The following FGD5 variants were observed in gnomAD, a reference collection of about 807,000 sequenced individuals.
The protein encoded by FGD5 is FYVE, RhoGEF and PH domain containing 5.
FGD5 carries 28 observed loss-of-function variants against 133.4 expected under a neutral mutation model. The observed-to-expected ratio is 0.21, with a 90% CI of 0.16 to 0.29. FGD5 has a LOEUF of 0.29. Ranked by LOEUF, FGD5 falls within the 10% of genes least tolerant of loss-of-function variation. The probability of loss-of-function intolerance (pLI) is 1.00; values close to 1 mark genes in which losing one functional copy is unlikely to be tolerated. For missense variants in FGD5, 1,858 were observed against 1,895.2 expected, an observed-to-expected ratio of 0.98 and a Z score of 0.36; for synonymous variants, 810 against 776.5, an observed-to-expected ratio of 1.04 and a Z score of -0.72.
chr3:14,921,082 C>T (rs924252938), intron 13 of FGD5, among the ~76,000 whole-genome samples: 1 of 152,246 alleles, frequency 6.6e-6, no homozygotes, highest in Non-Finnish European at 1.5e-5. Context: ...TGGGGCTGCC[C>T]ATCTCCCAGG....
At chr3:14,892,026 C>T (rs867803826) in intron 4 of FGD5, among the ~76,000 whole-genome samples, 4 of 151,690 alleles carry the variant, frequency 2.6e-5, no homozygotes, top group African/African-American at 4.8e-5. Flanking sequence ...TGTCCCATCC[C>T]ACCTCCCTGT....
At chr3:14,837,974 C>T (rs1441685567) in intron 1 of FGD5, among the ~76,000 whole-genome samples, 2 of 152,212 alleles carry the variant, frequency 1.3e-5, no homozygotes, top group Non-Finnish European at 2.9e-5. Flanking sequence ...TCTCCCAGCT[C>T]TGTGGGTCAG....
In FGD5 at chr3:14,923,117, C is replaced by T. The variant is rs368080929; in HGVS notation, c.3879C>T (p.Cys1293=). 2.2e-5 allele frequency: 35 copies of T among 1,613,712 alleles called. No individual in the cohort carries two copies. In the African/African-American group the frequency reaches 2.4e-4, roughly 11 times the overall value. The change falls in exon 16 of 20, where the codon TGC becomes TGT. Residue 1293 remains cysteine, a synonymous_variant. Transcript: ENST00000285046. ...TGAAGGACAGGATGGCCAAGGTCTG[C>T]GACGGCTGCTTCGGGGAGCTGAAGA... ...KYLKDRMAKV[C]DGCFGELKKR... is the part of the protein sequence containing the mutation.
intron 11 of FGD5, among the ~76,000 whole-genome samples, chr3:14,913,136 C>A (rs1437882716): frequency 6.6e-6 from 1 of 152,192 alleles, no homozygotes; most frequent in Non-Finnish European, 1.5e-5. Context: ...GGTACACTTA[C>A]TACTTCTGTG....
chr3:14,847,756 GTT>G (rs1264065216), intron 1 of FGD5, among the ~76,000 whole-genome samples: 14 of 152,222 alleles, frequency 9.2e-5, no homozygotes, highest in Admixed American at 7.8e-4. Flanking sequence ...CCTCCCGGGT[GTT>G]CTCACCTTCG....
chr3:14,829,782 G>A (rs542421530), intron 1 of FGD5, among the ~76,000 whole-genome samples: 3 of 152,120 alleles, frequency 2.0e-5, no homozygotes, highest in South Asian at 2.1e-4. Flanking sequence ...GGAATCTAGC[G>A]CAAAATCTAG....
At chr3:14,863,629 T>C (rs1406368498) in intron 1 of FGD5, among the ~76,000 whole-genome samples, 1 of 152,240 alleles carries the variant, frequency 6.6e-6, no homozygotes, top group Non-Finnish European at 1.5e-5. Context: ...GCTATGCAGC[T>C]GAGTGGGAAC....
chr3:14,844,214 AAAAATATATATATATATATATATAT>A (rs1302863024), intron 1 of FGD5, among the ~76,000 whole-genome samples: 6 of 35,562 alleles, frequency 1.7e-4, no homozygotes, highest in Admixed American at 8.0e-4. Flanking sequence ...TAAAAAAAAA[AAAAATATATATATATATATATATAT>A]ATATATATAT....
intron 16 of FGD5, among the ~76,000 whole-genome samples, chr3:14,923,535 G>A: frequency 6.6e-6 from 1 of 152,080 alleles, no homozygotes; most frequent in East Asian, 1.9e-4. Flanking sequence ...ATATAAGCGT[G>A]GCAGCAGAGG....
chr3:14,879,026 C>T (rs2037776338), intron 2 of FGD5, among the ~76,000 whole-genome samples: 1 of 152,208 alleles, frequency 6.6e-6, no homozygotes, highest in Non-Finnish European at 1.5e-5. Context: ...ATGCTTTTAA[C>T]CACAACACTA....
At chr3:14,906,470 G>A (rs1251712209) in intron 9 of FGD5, among the ~76,000 whole-genome samples, 1 of 152,216 alleles carries the variant, frequency 6.6e-6, no homozygotes, top group Non-Finnish European at 1.5e-5. Flanking sequence ...GTGGGGGTGG[G>A]AGGTCTCCTG....
chr3:14,824,037 G>A (rs1256761026), intron 1 of FGD5, among the ~76,000 whole-genome samples: 3 of 152,194 alleles, frequency 2.0e-5, no homozygotes, highest in East Asian at 3.8e-4. Flanking sequence ...TGAGTGTCTT[G>A]AACTGTCAGA....
At chr3:14,916,944 T>C (rs1392024920) in intron 11 of FGD5, among the ~76,000 whole-genome samples, 1 of 152,262 alleles carries the variant, frequency 6.6e-6, no homozygotes, top group Non-Finnish European at 1.5e-5. Flanking sequence ...AGTTTGTTTA[T>C]CCATTCACCT....
chr3:14,898,554 T>A (rs1173021931), intron 6 of FGD5, among the ~76,000 whole-genome samples, 185 bp from the exon 7 acceptor site: 1 of 151,898 alleles, frequency 6.6e-6, no homozygotes, highest in Admixed American at 6.6e-5. Context: ...AGTGAGCAGT[T>A]ACAGCAGGGC....
At chr3:14,895,289 T>TTC (rs1181735458) in intron 4 of FGD5, among the ~76,000 whole-genome samples, 1 of 152,252 alleles carries the variant, frequency 6.6e-6, no homozygotes, top group African/African-American at 2.4e-5. Flanking sequence ...TAGTCCAATG[T>TTC]TCTAGGGTAT....
At chr3:14,932,005 T>G (rs1689548) in intron 18 of FGD5, 143,587 of 152,208 alleles carry the variant, frequency 0.94, 67,811 homozygotes, top group East Asian at 1. Flanking sequence ...GAAGATTAAA[T>G]ATAATGAAGA....
chr3:14,856,217 G>A (rs1305310144), intron 1 of FGD5, among the ~76,000 whole-genome samples: 1 of 152,040 alleles, frequency 6.6e-6, no homozygotes, highest in African/African-American at 2.4e-5. Flanking sequence ...TCTCTATTTT[G>A]TTCCCTTGTT....
At chr3:14,892,090 G>T (rs1410597287) in intron 4 of FGD5, among the ~76,000 whole-genome samples, 7 of 151,936 alleles carry the variant, frequency 4.6e-5, no homozygotes, top group African/African-American at 1.5e-4. Flanking sequence ...AAAGCCTCTG[G>T]CCTTCACTTG....
chr3:14,866,541 T>C (rs952305555), intron 2 of FGD5, among the ~76,000 whole-genome samples: 1 of 152,150 alleles, frequency 6.6e-6, no homozygotes, highest in African/African-American at 2.4e-5. Flanking sequence ...CCTTGCTGGC[T>C]GAGTGACTTG....
Sources: gnomAD v4.1 joint callset for allele counts (sites outside exome capture counted in the v4.1 genomes callset) on GRCh38, gnomAD v4.1.1 for gene constraint, MANE v1.5 for transcripts, NCBI Gene and HGNC (gene_info 2026-07-23, HGNC 2026-07-21) for gene names.